Variants in BRINP3 observed in about 807,000 individuals in gnomAD.
BRINP3 encodes the protein BMP/retinoic acid inducible neural specific 3.
Under a neutral mutation model 71.0 loss-of-function variants are expected in BRINP3, and 19 were observed. The ratio of observed to expected loss-of-function variants is 0.27; its 90% confidence interval spans 0.19 to 0.39. BRINP3 has a LOEUF of 0.39. Among genes scored for constraint, BRINP3 ranks in the 10% least tolerant of loss-of-function variants. The pLI, the probability that BRINP3 is intolerant of heterozygous loss-of-function variation, is 1.00. For missense variants in BRINP3, 959 were observed against 940.8 expected (o/e 1.02, Z -0.25); for synonymous variants, 380 against 337.7 (o/e 1.13, Z -1.37).
intron 1 of BRINP3, among the ~76,000 whole-genome samples, chr1:190,457,221 C>T (rs577068068): frequency 5.3e-5 from 8 of 152,114 alleles, no homozygotes; most frequent in Non-Finnish European, 1.2e-4. Flanking sequence ...GAGGGCGGAT[C>T]ACCTGAGGTT....
At chr1:190,113,883 C>A (rs371032116) in intron 7 of BRINP3, among the ~76,000 whole-genome samples, 1 of 152,100 alleles carries the variant, frequency 6.6e-6, no homozygotes, top group East Asian at 1.9e-4. Context: ...TCACTAATAA[C>A]GCAAACTAGG....
intron 7 of BRINP3, among the ~76,000 whole-genome samples, chr1:190,150,266 A>ATGTATGTG (rs1553249813): frequency 1.1e-3 from 135 of 128,194 alleles, no homozygotes; most frequent in African/African-American, 4.1e-3. Flanking sequence ...GTGCATATCT[A>ATGTATGTG]TGTGTGTGTG....
chr1:190,475,289 TA>T (rs1011784389), intron 1 of BRINP3, among the ~76,000 whole-genome samples: 6 of 152,192 alleles, frequency 3.9e-5, no homozygotes, highest in African/African-American at 1.4e-4. Flanking sequence ...CTCATTAAAA[TA>T]AATAAATATT....
At chr1:190,108,251 C>A (rs973587851) in intron 7 of BRINP3, among the ~76,000 whole-genome samples, 1 of 151,916 alleles carries the variant, frequency 6.6e-6, no homozygotes, top group Non-Finnish European at 1.5e-5. Context: ...AGAATCATAA[C>A]CGCATTAATA....
At chr1:190,247,154 A>G (rs1558105406) in intron 4 of BRINP3, among the ~76,000 whole-genome samples, 2 of 150,600 alleles carry the variant, frequency 1.3e-5, no homozygotes, top group Non-Finnish European at 3.0e-5. Context: ...TTCGGTTACC[A>G]AAAAAAAACA....
chr1:190,333,401 G>A (rs1238610479), intron 2 of BRINP3, among the ~76,000 whole-genome samples: 1 of 151,666 alleles, frequency 6.6e-6, no homozygotes, highest in African/African-American at 2.4e-5. Context: ...TGGTCAAATC[G>A]TAATTTTTTA....
intron 2 of BRINP3, among the ~76,000 whole-genome samples, chr1:190,415,347 GATAA>G (rs1316155342): frequency 6.6e-6 from 1 of 151,992 alleles, no homozygotes; most frequent in African/African-American, 2.4e-5. Context: ...ATAAAACAAG[GATAA>G]ATATTGTGTA....
rs1657366771 is a variant in BRINP3 at position 190,226,235 on chromosome 1, C to T, written c.808G>A (p.Glu270Lys). The T allele has an allele frequency of 6.2e-7, 1 of 1,612,480 alleles. No homozygotes were observed. Among genetic ancestry groups the T allele is most frequent in the African/African-American group, 1.3e-5 (1 of 74,922 alleles). ...CAGTCATTTTCCTTGCAGATAAACT[C>T]TCCCTCTGAATTGCAAGCAATGTAG... ...LSYIACNSEG[E>K]FICKENDCWC... Residue 270 changes from glutamate to lysine, a missense_variant, in exon 6 of 8, where the codon GAG becomes AAG. Physicochemically the swap from Glu to Lys is moderately conservative, Grantham distance 56. Coordinates refer to ENST00000367462, the MANE Select transcript of BRINP3 (RefSeq NM_199051.3).
At chr1:190,198,075 G>T (rs1241765223) in intron 6 of BRINP3, among the ~76,000 whole-genome samples, 2 of 152,166 alleles carry the variant, frequency 1.3e-5, no homozygotes, top group African/African-American at 2.4e-5. Flanking sequence ...AGCTGCCAAG[G>T]CTTGAAGCTA....
At chr1:190,252,782 T>C (rs2102821535) in intron 4 of BRINP3, among the ~76,000 whole-genome samples, 1 of 152,060 alleles carries the variant, frequency 6.6e-6, no homozygotes, top group East Asian at 1.9e-4. Context: ...AGTTTATTAT[T>C]ATTATTATTA....
intron 7 of BRINP3, among the ~76,000 whole-genome samples, chr1:190,115,050 T>A (rs1653015580): frequency 6.6e-6 from 1 of 152,222 alleles, no homozygotes; most frequent in African/African-American, 2.4e-5. Flanking sequence ...ATTTTTCTGC[T>A]TTTAAATGTG....
chr1:190,433,879 G>C (rs1674272835), intron 2 of BRINP3, among the ~76,000 whole-genome samples: 1 of 152,080 alleles, frequency 6.6e-6, no homozygotes, highest in Non-Finnish European at 1.5e-5. Flanking sequence ...GCTGTAAAAA[G>C]TTGAATTATA....
intron 4 of BRINP3, among the ~76,000 whole-genome samples, chr1:190,237,144 A>G (rs373895457): frequency 9.9e-5 from 15 of 152,020 alleles, no homozygotes; most frequent in African/African-American, 3.6e-4. Flanking sequence ...ATATTGCTTT[A>G]CTTTCTCATC....
At chr1:190,207,758 A>G (rs566514736) in intron 6 of BRINP3, among the ~76,000 whole-genome samples, 2 of 152,278 alleles carry the variant, frequency 1.3e-5, no homozygotes, top group African/African-American at 2.4e-5. Flanking sequence ...GAATTACATA[A>G]TGATAATGAA....
intron 2 of BRINP3, among the ~76,000 whole-genome samples, chr1:190,435,315 A>G (rs1253749741): frequency 1.3e-5 from 2 of 152,142 alleles, no homozygotes; most frequent in Non-Finnish European, 2.9e-5. Context: ...GACACTTTAA[A>G]AAATAGACAT....
chr1:190,293,732 T>C (rs1157819947), intron 2 of BRINP3, among the ~76,000 whole-genome samples: 1 of 152,226 alleles, frequency 6.6e-6, no homozygotes, highest in Non-Finnish European at 1.5e-5. Context: ...ACTATCATTA[T>C]ATCCTGTTAC....
intron 6 of BRINP3, among the ~76,000 whole-genome samples, chr1:190,190,325 G>C (rs112726037): frequency 1.4e-3 from 214 of 152,170 alleles, no homozygotes; most frequent in African/African-American, 4.8e-3. Context: ...GTTTCACACA[G>C]GACTGCTTGG....
intron 6 of BRINP3, among the ~76,000 whole-genome samples, chr1:190,168,100 T>C (rs1651711078): frequency 6.6e-6 from 1 of 152,104 alleles, no homozygotes. Flanking sequence ...ACACAGATAG[T>C]TCAATGTGCT....
intron 7 of BRINP3, among the ~76,000 whole-genome samples, chr1:190,150,696 G>T (rs1571847970): frequency 6.6e-6 from 1 of 152,156 alleles, no homozygotes; most frequent in East Asian, 1.9e-4. Flanking sequence ...AATATTATTT[G>T]TATGAAGCTG....
Sources: allele counts gnomAD v4.1 joint callset (sites outside exome capture counted in the v4.1 genomes callset), GRCh38; gene constraint gnomAD v4.1.1; transcripts MANE v1.5; gene names NCBI Gene and HGNC (gene_info 2026-07-23, HGNC 2026-07-21).